The following DOCK2 variants were observed in gnomAD, a reference collection of about 807,000 sequenced individuals.
DOCK2 encodes the protein dedicator of cytokinesis protein 2.
Under a neutral mutation model 248.9 loss-of-function variants are expected in DOCK2, and 87 were observed. That is an observed-to-expected ratio of 0.35 (90% CI 0.29 to 0.42). The LOEUF is 0.42. Among genes scored for constraint, DOCK2 ranks in the 10% least tolerant of loss-of-function variants. The pLI, the probability that DOCK2 is intolerant of heterozygous loss-of-function variation, is 1.00. For synonymous variants in DOCK2, 805 were observed against 821.6 expected, an observed-to-expected ratio of 0.98 and a Z score of 0.35; for missense variants, 1,747 against 2,300.2, an observed-to-expected ratio of 0.76 and a Z score of 4.92.
intron 27 of DOCK2, among the ~76,000 whole-genome samples, chr5:169,940,091 G>A (rs1407783620): frequency 2.0e-5 from 3 of 152,200 alleles, no homozygotes; most frequent in Non-Finnish European, 1.5e-5. Context: ...GTGGGGAGAG[G>A]GGTGATTAGG....
At chr5:169,875,257 C>T (rs1468619802) in intron 27 of DOCK2, 3 of 456,606 alleles carry the variant, frequency 6.6e-6, no homozygotes, top group Non-Finnish European at 1.3e-5. Context: ...TTCCCATCCT[C>T]CACCCCACAC....
chr5:169,803,387 G>A (rs554680405), intron 26 of DOCK2, among the ~76,000 whole-genome samples, 181 bp downstream of exon 26: 2 of 152,330 alleles, frequency 1.3e-5, no homozygotes, highest in Admixed American at 6.5e-5. Flanking sequence ...CTAGGGGACT[G>A]GAGTTAATCA....
intron 27 of DOCK2, among the ~76,000 whole-genome samples, chr5:169,893,770 T>A (rs1773431785): frequency 6.6e-6 from 1 of 152,162 alleles, no homozygotes; most frequent in Admixed American, 6.5e-5. Flanking sequence ...GGGTACAGAG[T>A]TGGCACAGGC....
chr5:170,006,764 C>T (rs999376048), intron 30 of DOCK2, among the ~76,000 whole-genome samples: 1 of 152,192 alleles, frequency 6.6e-6, no homozygotes, highest in African/African-American at 2.4e-5. Flanking sequence ...CACACTGTGG[C>T]AATGCCAGGG....
Position 169,942,840 on chromosome 5 carries a change from T to C in DOCK2, c.2800-40228T>C, listed in dbSNP as rs1776296198. 2.0e-5 allele frequency among the ~76,000 whole-genome samples: 3 copies of C among 152,352 alleles called. No individual in the cohort carries two copies. The South Asian group carries it at 6.2e-4, about 32-fold the overall frequency. The stretch of plus-strand genomic sequence containing the variant: ...TCCAAGGCTTGGTCTGAACTCTTCC[T>C]TTCAGCCTTGACCACTGTGTGTGCT... On this transcript the variant is annotated intron_variant, in intron 27 of 51. Transcript: ENST00000520908.
intron 29 of DOCK2, among the ~76,000 whole-genome samples, chr5:169,992,489 G>A (rs1399781893): frequency 1.3e-5 from 2 of 152,162 alleles, no homozygotes; most frequent in Admixed American, 6.5e-5. Flanking sequence ...GTTTTGAGAC[G>A]GAGTCTCGCT....
chr5:169,951,748 G>T (rs1776676451), intron 27 of DOCK2, among the ~76,000 whole-genome samples: 1 of 152,154 alleles, frequency 6.6e-6, no homozygotes, highest in Non-Finnish European at 1.5e-5. Flanking sequence ...CTCAAGTTTT[G>T]ACTTATATTA....
intron 27 of DOCK2, among the ~76,000 whole-genome samples, chr5:169,898,590 G>A (rs261064): frequency 0.2 from 30,883 of 151,974 alleles, 4,560 homozygotes; most frequent in African/African-American, 0.42. Context: ...TGAGTTCAAT[G>A]AAAGAATGAC....
chr5:169,993,702 G>A (rs1178985470), intron 29 of DOCK2, among the ~76,000 whole-genome samples: 1 of 152,150 alleles, frequency 6.6e-6, no homozygotes, highest in African/African-American at 2.4e-5. Flanking sequence ...TCCACCCACC[G>A]ACTCTTGGAC....
chr5:169,650,412 A>C (rs1452891620), intron 1 of DOCK2, among the ~76,000 whole-genome samples: 1 of 152,184 alleles, frequency 6.6e-6, no homozygotes, highest in African/African-American at 2.4e-5. Flanking sequence ...CTTATATATA[A>C]ATCAAAGAGA....
At chr5:169,708,581 T>TC (rs1392657046) in intron 15 of DOCK2, among the ~76,000 whole-genome samples, 11 of 151,714 alleles carry the variant, frequency 7.3e-5, no homozygotes, top group African/African-American at 2.7e-4. Flanking sequence ...TTTTTTTTTT[T>TC]TGAGACAGAG....
chr5:170,008,551 C>A lies in DOCK2; in HGVS notation c.3127C>A (p.Gln1043Lys). ...GGCTTTTATCACCCAGGATTCTCTG[C>A]AGCTGGAGCAGTTCTCACACGCCAA... ...AVAFITQDSL[Q>K]LEQFSHAKYN... Residue 1043 changes from glutamine (Q) to lysine (K), a missense_variant, in exon 31 of 52, where the codon CAG becomes AAG. Physicochemically the swap from Gln to Lys is moderately conservative, Grantham distance 53. This residue lies in a region of DOCK2 where 858 missense variants were observed against 1,183.5 expected (regional missense o/e 0.72). Coordinates refer to ENST00000520908, the MANE Select transcript of DOCK2 (RefSeq NM_004946.3). 1.2e-6 allele frequency: 2 copies of A among 1,614,144 alleles called. No homozygotes were observed. Among genetic ancestry groups the A allele is most frequent in the Non-Finnish European group, 1.7e-6 (2 of 1,179,988 alleles).
chr5:169,996,652 A>T (rs1159915885), intron 30 of DOCK2, among the ~76,000 whole-genome samples: 1 of 152,196 alleles, frequency 6.6e-6, no homozygotes, highest in Non-Finnish European at 1.5e-5. Flanking sequence ...TGCCTGGGGC[A>T]AACAGAATGA....
intron 26 of DOCK2, among the ~76,000 whole-genome samples, chr5:169,825,129 G>A (rs1768756441): frequency 6.6e-6 from 1 of 152,202 alleles, no homozygotes; most frequent in South Asian, 2.1e-4. Context: ...AACAGGTGCT[G>A]GGGAGGATGT....
intron 27 of DOCK2, among the ~76,000 whole-genome samples, chr5:169,958,136 AAC>A (rs1342789495): frequency 6.6e-6 from 1 of 152,202 alleles, no homozygotes; most frequent in African/African-American, 2.4e-5. Flanking sequence ...AGAAGGACAA[AAC>A]ACAGTCTTTG....
chr5:169,856,835 T>C (rs1029720040), intron 27 of DOCK2, among the ~76,000 whole-genome samples: 10 of 152,168 alleles, frequency 6.6e-5, no homozygotes, highest in African/African-American at 2.4e-4. Context: ...ATCATAGCAG[T>C]GTGTCTGCTA....
chr5:170,026,663 A>T (rs1360022030), intron 33 of DOCK2, among the ~76,000 whole-genome samples: 1 of 152,250 alleles, frequency 6.6e-6, no homozygotes. Context: ...TGTTAAAAAG[A>T]CGTTGGGTGA....
intron 33 of DOCK2, among the ~76,000 whole-genome samples, chr5:170,022,852 TC>T (rs1232751524): frequency 1.3e-5 from 2 of 152,186 alleles, no homozygotes; most frequent in Non-Finnish European, 2.9e-5. Flanking sequence ...ATGTCAGTGT[TC>T]CCAGAATGAA....
intron 27 of DOCK2, among the ~76,000 whole-genome samples, chr5:169,914,147 T>G (rs941740872): frequency 6.6e-6 from 1 of 152,172 alleles, no homozygotes; most frequent in African/African-American, 2.4e-5. Flanking sequence ...AAGACAACCC[T>G]TCAAAGCAAA....
Sources: gnomAD v4.1 joint callset for allele counts (sites outside exome capture counted in the v4.1 genomes callset) on GRCh38, gnomAD v4.1.1 for gene constraint, gnomAD v4.1.1 regional missense constraint, MANE v1.5 for transcripts, NCBI Gene and HGNC (gene_info 2026-07-23, HGNC 2026-07-21) for gene names.